The following MAD2L2 variants were observed in gnomAD, a reference collection of about 807,000 sequenced individuals.
MAD2L2 encodes mitotic arrest deficient 2 like 2.
A neutral mutation model predicts 30.5 loss-of-function variants in MAD2L2; 17 were observed. The observed-to-expected ratio is 0.56, with a 90% CI of 0.38 to 0.84. The LOEUF (loss-of-function observed/expected upper bound fraction) is 0.84, where lower values mean the gene tolerates loss of function less well. MAD2L2 is among the 40% of genes least tolerant of loss of function. MAD2L2 has a pLI of 0.00. For synonymous variants in MAD2L2, 101 were observed against 113.9 expected (o/e 0.89, Z 0.72); for missense variants, 213 against 277.4 (o/e 0.77, Z 1.65).
intron 1 of MAD2L2, among the ~76,000 whole-genome samples, chr1:11,691,126 T>A (rs1409730201): frequency 6.6e-6 from 1 of 152,296 alleles, no homozygotes; most frequent in East Asian, 1.9e-4. Flanking sequence ...TTTCTGCGGC[T>A]ACAAAGGCCC....
rs76460554 is a variant in MAD2L2 at position 11,687,809 on chromosome 1, T to C, written c.-692+3604A>G. On this transcript the variant is annotated intron_variant, in intron 1 of 10. Coordinates refer to the MAD2L2 transcript ENST00000235310. This position sits in a 1 kb window ranked among gnomAD's most constrained non-coding sequence, Gnocchi z 4.1. The stretch of plus-strand genomic sequence containing the variant: ...GAATCACATATTGATACTTCATTCC[T>C]TCGTAGAACCAAAATACTCCCGTGT... Among the ~76,000 whole-genome samples the C allele has an allele frequency of 4.3e-3, 657 of 152,332 alleles. 3 individuals are homozygous for C. Among genetic ancestry groups the C allele is most frequent in the African/African-American group, 0.015 (616 of 41,588 alleles).
intron 3 of MAD2L2, among the ~76,000 whole-genome samples, chr1:11,679,592 T>A (rs1236154386): frequency 6.7e-6 from 1 of 148,810 alleles, no homozygotes; most frequent in African/African-American, 2.6e-5. Context: ...AGTGGCACGA[T>A]CTGGGCTTAC....
chr1:11,674,944 AAGAGT>A lies in MAD2L2; in HGVS notation c.594+133_595-129del. 1 of 1,315,676 alleles carries A rather than the reference AAGAGT, an allele frequency of 7.6e-7. No individual in the cohort carries two copies. The highest frequency in any genetic ancestry group is 1.1e-6 in the Non-Finnish European group (1 of 923,726). 81.5% of individuals were successfully genotyped at this position (1,315,676 alleles called of 1,614,324 possible). A position where few individuals can be genotyped will look rare whatever the true frequency, so the allele number is the denominator to read the frequency against. On this transcript the variant is annotated intron_variant, in intron 8 of 8. Coordinates refer to ENST00000376692, the MANE Select transcript of MAD2L2 (RefSeq NM_006341.4). The surrounding 1 kb of genome is among the most constrained non-coding windows in gnomAD (Gnocchi z 6.1). ...CCTCGTGGCCATAGCCATGGTGGAGAAGAGTAGAGATGGGAGGAGCCCTCCACCAG... is the reference window on the plus strand; with the variant it reads ...CCTCGTGGCCATAGCCATGGTGGAGAAGAGATGGGAGGAGCCCTCCACCAG...
At chr1:11,681,275 G>A (rs550239388), upstream of MAD2L2, 5 of 152,348 alleles carry the variant, frequency 3.3e-5, no homozygotes, top group East Asian at 9.7e-4. Context: ...GAGGGGCGGG[G>A]GCCGGGCCTC....
chr1:11,680,933 A>C (rs371377829), intron 1 of MAD2L2, 106 bp downstream of exon 1: 161 of 358,798 alleles, frequency 4.5e-4, no homozygotes, highest in Admixed American at 2.2e-3. Context: ...CGGGAGCGCA[A>C]AGCGGGACAT....
exon 1 of MAD2L2, chr1:11,691,648 C>G (rs1641070157): frequency 6.7e-6 from 1 of 149,680 alleles, no homozygotes; most frequent in African/African-American, 2.4e-5. Context: ...GCCGCCCCTC[C>G]TCTGTCCCCT....
chr1:11,678,563 C>T (rs571489705), intron 3 of MAD2L2, among the ~76,000 whole-genome samples: 27 of 152,136 alleles, frequency 1.8e-4, no homozygotes, highest in Non-Finnish European at 5.9e-5. Context: ...AAAAAGGATC[C>T]AGGAAAATGT....
chr1:11,679,773 C>T (rs1357252931), intron 3 of MAD2L2, among the ~76,000 whole-genome samples: 2 of 151,988 alleles, frequency 1.3e-5, no homozygotes, highest in African/African-American at 4.8e-5. Context: ...GTGATTCGCC[C>T]GCCTCAGCCT....
chr1:11,676,798 C>T, intron 5 of MAD2L2, 50 bp downstream of exon 5: 1 of 1,465,150 alleles, frequency 6.8e-7, no homozygotes, highest in African/African-American at 1.4e-5. Flanking sequence ...GGTGTGTTGC[C>T]AGAGACACAC....
At chr1:11,681,760 G>T, upstream of MAD2L2, 1 of 152,380 alleles carries the variant, frequency 6.6e-6, no homozygotes. Flanking sequence ...CCAGCCGAGT[G>T]CTGGGCACTG....
intron 1 of MAD2L2, among the ~76,000 whole-genome samples, chr1:11,689,937 C>T (rs908420618): frequency 1.3e-5 from 2 of 151,872 alleles, no homozygotes; most frequent in African/African-American, 2.4e-5. Context: ...AGCACACTCC[C>T]GCTCCAGGAC....
intron 3 of MAD2L2, 61 bp downstream of exon 3, chr1:11,680,292 G>A (rs1304507583): frequency 2.8e-6 from 4 of 1,423,472 alleles, no homozygotes; most frequent in Middle Eastern, 1.8e-4. Flanking sequence ...CACGGCGCCC[G>A]ACCAAAGAAT....
At chr1:11,678,042 GCGAGACT>G (rs1640801932) in intron 3 of MAD2L2, among the ~76,000 whole-genome samples, 1 of 142,002 alleles carries the variant, frequency 7.0e-6, no homozygotes, top group South Asian at 2.3e-4. Context: ...GGGCAACAGA[GCGAGACT>G]CCATCTCAAA....
chr1:11,681,612 TAA>T (rs928422109), upstream of MAD2L2: 2 of 151,616 alleles, frequency 1.3e-5, no homozygotes, highest in Non-Finnish European at 2.9e-5. Flanking sequence ...ATTTTAAAAA[TAA>T]AAAAAAGAGG....
chr1:11,680,744 A>C, intron 1 of MAD2L2, 131 bp from the exon 2 acceptor site: 1 of 1,406,942 alleles, frequency 7.1e-7, no homozygotes, highest in Non-Finnish European at 9.2e-7. Flanking sequence ...GCACAGGCTC[A>C]GGGCAGCTGG....
rs766730327 is a variant in MAD2L2 at position 11,676,885 on chromosome 1, C to T, written c.295G>A (p.Val99Ile). 1.3e-5 allele frequency: 21 copies of T among 1,614,134 alleles called. No individual in the cohort carries two copies. Among genetic ancestry groups the T allele is most frequent in the Middle Eastern group, 3.3e-4 (2 of 6,062 alleles). Reference protein sequence around the residue: ...DKEHRPVEKFVFEITQPPLLS... With the variant: ...DKEHRPVEKFIFEITQPPLLS... ...AGTGGAGGCTGGGTGATCTCAAAGACGAATTTCTCCACTGGGCGGTGCTCT... is the reference window on the plus strand; with the variant it reads ...AGTGGAGGCTGGGTGATCTCAAAGATGAATTTCTCCACTGGGCGGTGCTCT... Residue 99 changes from valine to isoleucine, a missense_variant, in exon 5 of 9, where the codon GTC becomes ATC. Physicochemically the swap from Val to Ile is conservative, Grantham distance 29 (BLOSUM62 3). Transcript: ENST00000376692.
chr1:11,678,056 C>CAAAA (rs34436574), intron 3 of MAD2L2, among the ~76,000 whole-genome samples: 5 of 104,924 alleles, frequency 4.8e-5, no homozygotes, highest in African/African-American at 1.9e-4. Context: ...GACTCCATCT[C>CAAAA]AAAAAAAAAA....
intron 2 of MAD2L2, 38 bp from the exon 3 acceptor site, chr1:11,680,509 G>A: frequency 6.2e-7 from 1 of 1,610,980 alleles, no homozygotes; most frequent in Non-Finnish European, 8.5e-7. Flanking sequence ...GCTCGAGGAA[G>A]CCCGCCGGCC....
chr1:11,685,295 G>T (rs1175069257), upstream of MAD2L2, among the ~76,000 whole-genome samples: 1 of 152,226 alleles, frequency 6.6e-6, no homozygotes, highest in Admixed American at 6.5e-5. Context: ...GCAGAGGAAT[G>T]AAGTGATGGT....
Sources: gnomAD v4.1 joint callset for allele counts (sites outside exome capture counted in the v4.1 genomes callset) on GRCh38, gnomAD v4.1.1 for gene constraint, Gnocchi (gnomAD v3.1) non-coding constraint, MANE v1.5 for transcripts, NCBI Gene and HGNC (gene_info 2026-07-23, HGNC 2026-07-21) for gene names.